The following PCDH9 variants were observed in gnomAD, a reference collection of about 807,000 sequenced individuals.
PCDH9 encodes the protein protocadherin 9.
PCDH9 carries 24 observed loss-of-function variants against 70.6 expected under a neutral mutation model. The ratio of observed to expected loss-of-function variants is 0.34; its 90% confidence interval spans 0.25 to 0.48. The LOEUF (loss-of-function observed/expected upper bound fraction) is 0.48, where lower values mean the gene tolerates loss of function less well. PCDH9 is among the 20% of genes least tolerant of loss of function. The pLI, the probability that PCDH9 is intolerant of heterozygous loss-of-function variation, is 0.99. For synonymous variants in PCDH9, 562 were observed against 558.5 expected, an observed-to-expected ratio of 1.01 and a Z score of -0.09; for missense variants, 1,281 against 1,503.6, an observed-to-expected ratio of 0.85 and a Z score of 2.45.
intron 2 of PCDH9, among the ~76,000 whole-genome samples, chr13:67,162,594 T>G (rs2087992971): frequency 6.6e-6 from 1 of 152,198 alleles, no homozygotes; most frequent in Non-Finnish European, 1.5e-5. Flanking sequence ...ACCTAGCTCC[T>G]GGCCTGCAGG....
At chr13:66,547,805 T>C (rs1192225746) in intron 4 of PCDH9, among the ~76,000 whole-genome samples, 3 of 149,662 alleles carry the variant, frequency 2.0e-5, no homozygotes, top group Non-Finnish European at 4.4e-5. Context: ...TAAATAATCT[T>C]GATTCAAGTG....
At chr13:66,448,843 AT>A (rs1208568584) in intron 4 of PCDH9, among the ~76,000 whole-genome samples, 1 of 151,942 alleles carries the variant, frequency 6.6e-6, no homozygotes, top group Non-Finnish European at 1.5e-5. Flanking sequence ...GTTTCAGGAA[AT>A]TAAGTTATGC....
intron 2 of PCDH9, among the ~76,000 whole-genome samples, chr13:67,087,601 T>C (rs2086134244): frequency 6.6e-6 from 1 of 152,106 alleles, no homozygotes; most frequent in Admixed American, 6.6e-5. Flanking sequence ...ATATCCTCCC[T>C]CCAAGCTTTG....
intron 2 of PCDH9, among the ~76,000 whole-genome samples, chr13:67,130,391 GT>G (rs983605871): frequency 2.0e-5 from 3 of 151,120 alleles, no homozygotes; most frequent in African/African-American, 2.4e-5. Context: ...GTTCTTCAGT[GT>G]TTTTTTTTAA....
intron 3 of PCDH9, chr13:66,880,036 A>G (rs528620524): frequency 6.6e-6 from 1 of 152,250 alleles, no homozygotes; most frequent in Non-Finnish European, 1.5e-5. Flanking sequence ...GCTCCAGGGT[A>G]CAGGACAAGA....
At chr13:67,117,131 G>T (rs531266935) in intron 2 of PCDH9, among the ~76,000 whole-genome samples, 5 of 152,262 alleles carry the variant, frequency 3.3e-5, no homozygotes, top group Admixed American at 2.6e-4. Context: ...ACACTAATTG[G>T]TGGCAAATTT....
intron 4 of PCDH9, among the ~76,000 whole-genome samples, chr13:66,346,960 C>A (rs573011375): frequency 7.2e-5 from 11 of 152,252 alleles, no homozygotes; most frequent in African/African-American, 2.4e-4. Flanking sequence ...CTAATTTCCC[C>A]CCAATAAAGT....
intron 2 of PCDH9, among the ~76,000 whole-genome samples, chr13:67,062,456 A>G (rs1021346805): frequency 2.6e-5 from 4 of 152,186 alleles, no homozygotes; most frequent in African/African-American, 9.6e-5. Context: ...TAACCATCTC[A>G]GATAATATAA....
intron 2 of PCDH9, among the ~76,000 whole-genome samples, chr13:67,147,215 A>T (rs2087543965): frequency 6.6e-6 from 1 of 152,198 alleles, no homozygotes; most frequent in Non-Finnish European, 1.5e-5. Context: ...AGCAGCTGAA[A>T]ATAGGATGCT....
chr13:66,494,895 T>C (rs1160133587), intron 4 of PCDH9, among the ~76,000 whole-genome samples: 1 of 152,202 alleles, frequency 6.6e-6, no homozygotes, highest in South Asian at 2.1e-4. Context: ...TGTACAAATA[T>C]TGTTCTTGAG....
chr13:66,640,530 G>GACACACACAC (rs10579281), intron 3 of PCDH9, among the ~76,000 whole-genome samples: 5 of 149,288 alleles, frequency 3.3e-5, no homozygotes, highest in African/African-American at 1.2e-4. Context: ...CCCATGCAAA[G>GACACACACAC]ACACACACAC....
rs186029753 is a variant in PCDH9, at chr13:67,150,059, T to G, written c.3036+75346A>C. ...GAGTTTTATTTATTTTATTTTTATT[T>G]TTTTGATATGGAGTCTCACTCTGTC... is the stretch of plus-strand genomic sequence containing the variant. On this transcript the variant is annotated intron_variant, in intron 2 of 4. Transcript: ENST00000377865. Among the ~76,000 whole-genome samples the G allele has an allele frequency of 2.6e-5, 4 of 152,300 alleles. No individual in the cohort carries two copies. The East Asian group carries it at 7.7e-4, about 29-fold the overall frequency.
chr13:66,461,524 A>C (rs905569808), intron 4 of PCDH9, among the ~76,000 whole-genome samples: 7 of 151,518 alleles, frequency 4.6e-5, no homozygotes, highest in African/African-American at 1.7e-4. Flanking sequence ...TTAAAAAAAA[A>C]CTGTGTCCAT....
intron 2 of PCDH9, among the ~76,000 whole-genome samples, chr13:66,952,300 C>CTGCATCT (rs1208123845): frequency 6.6e-6 from 1 of 152,166 alleles, no homozygotes; most frequent in Non-Finnish European, 1.5e-5. Context: ...CATCTACAGC[C>CTGCATCT]ACCACTGTTC....
intron 4 of PCDH9, among the ~76,000 whole-genome samples, chr13:66,570,084 C>T (rs181037307): frequency 2.0e-5 from 3 of 152,156 alleles, no homozygotes; most frequent in East Asian, 1.9e-4. Flanking sequence ...AATTAAAAAG[C>T]GTCAACTATT....
intron 2 of PCDH9, among the ~76,000 whole-genome samples, chr13:67,038,344 T>C (rs1436461244): frequency 6.6e-6 from 1 of 152,182 alleles, no homozygotes; most frequent in Non-Finnish European, 1.5e-5. Context: ...CATTTCCAAC[T>C]TTTTAAAAAG....
At chr13:67,012,584 T>C (rs1462648805) in intron 2 of PCDH9, among the ~76,000 whole-genome samples, 1 of 151,958 alleles carries the variant, frequency 6.6e-6, no homozygotes, top group Non-Finnish European at 1.5e-5. Context: ...ATACTATTAA[T>C]GGACTAATGA....
intron 2 of PCDH9, among the ~76,000 whole-genome samples, chr13:67,192,972 C>T (rs2088958667): frequency 6.6e-6 from 1 of 152,132 alleles, no homozygotes; most frequent in Non-Finnish European, 1.5e-5. Context: ...TGGCAAGCAC[C>T]TTAGTCCTGT....
At position 66,591,759 on chromosome 13, in the gene PCDH9, A is replaced by C. The variant is rs138370722; in HGVS notation, c.3340+39451T>G. ...GGATTTAAAATACTGAAATAGTATA[A>C]AATTCTAAGAGTTTAGTTATCTTAA... On this transcript the variant is annotated intron_variant, in intron 4 of 4. Coordinates refer to ENST00000377865, the MANE Select transcript of PCDH9 (RefSeq NM_203487.3). Among the ~76,000 whole-genome samples, 127 of 151,838 alleles carry C rather than the reference A, an allele frequency of 8.4e-4. 1 individual carries two copies. The highest frequency in any genetic ancestry group is 2.9e-3 in the African/African-American group (121 of 41,512).
Sources: gnomAD v4.1 joint callset for allele counts (sites outside exome capture counted in the v4.1 genomes callset) on GRCh38, gnomAD v4.1.1 for gene constraint, MANE v1.5 for transcripts, NCBI Gene and HGNC (gene_info 2026-07-23, HGNC 2026-07-21) for gene names.